The following NCOR1 variants were observed in gnomAD, a reference collection of about 807,000 sequenced individuals.
NCOR1 encodes nuclear receptor corepressor 1, also known as protein phosphatase 1, regulatory subunit 109.
A neutral mutation model predicts 288.1 loss-of-function variants in NCOR1; 63 were observed. That is an observed-to-expected ratio of 0.22 (90% CI 0.18 to 0.27). The LOEUF (loss-of-function observed/expected upper bound fraction) is 0.27, where lower values mean the gene tolerates loss of function less well. NCOR1 is among the 10% of genes least tolerant of loss of function. The pLI is 1.00. For synonymous variants in NCOR1, 1,007 were observed against 1,065.9 expected (o/e 0.94, Z 1.08); for missense variants, 2,397 against 3,019.2 (o/e 0.79, Z 4.83).
rs73981458 is a variant in NCOR1, at chr17:16,119,313, T to C, written c.1915+110A>G. 3,271 of 801,520 alleles carry C rather than the reference T, an allele frequency of 4.1e-3. 92 individuals carry two copies. In the African/African-American group the frequency reaches 0.052, roughly 13 times the overall value. The allele number at this position is 801,520 out of a possible 1,614,324, so 49.7% of individuals were successfully genotyped here. A position where few individuals can be genotyped will look rare whatever the true frequency, so the allele number is the denominator to read the frequency against. On this transcript the variant is annotated intron_variant, in intron 17 of 45. Coordinates refer to ENST00000268712, the MANE Select transcript of NCOR1 (RefSeq NM_006311.4). ...AGTCACTTCTGAGTCCTCTTTGCCT[T>C]TTTGAAAGAATTTTTTTTCCAATTA...
intron 2 of NCOR1, chr17:16,192,227 G>A (rs933893664): frequency 3.3e-5 from 5 of 150,728 alleles, no homozygotes; most frequent in African/African-American, 1.2e-4. Flanking sequence ...AAAGTAACCA[G>A]AGGAGACCAG....
In NCOR1 at chr17:16,029,506, G is replaced by C. The variant is rs9916868; in HGVS notation, c.*2790C>G. ...TGAAATTTGCAGTCATAAACATGCAGTGGAAAACTGGCTGTCAGAATACTT... is the reference window on the plus strand; with the variant it reads ...TGAAATTTGCAGTCATAAACATGCACTGGAAAACTGGCTGTCAGAATACTT... On this transcript the variant is annotated 3_prime_UTR_variant, in exon 46 of 46. Transcript: ENST00000268712. 138,955 of 250,066 alleles carry C rather than the reference G, an allele frequency of 0.56. 39,936 individuals carry two copies. Among genetic ancestry groups the C allele is most frequent in the African/African-American group, 0.67 (29,240 of 43,750 alleles). 15.5% of individuals were successfully genotyped at this position (250,066 alleles called of 1,614,324 possible).
chr17:16,065,071 A>T (rs776660352), intron 33 of NCOR1, 52 bp from the exon 34 acceptor site: 19 of 1,519,674 alleles, frequency 1.3e-5, no homozygotes, highest in Non-Finnish European at 1.6e-5. Context: ...AAGGTACAGA[A>T]CCATACATGA....
intron 23 of NCOR1, among the ~76,000 whole-genome samples, chr17:16,085,179 A>G (rs936646128): frequency 6.6e-6 from 1 of 152,250 alleles, no homozygotes; most frequent in Non-Finnish European, 1.5e-5. Context: ...AAAAGTGCCC[A>G]ACATTGTTTG....
Position 16,092,680 on chromosome 17 carries a change from TATATATATATA to T in NCOR1, c.2821-633_2821-623del, listed in dbSNP as rs1398409449. Among the ~76,000 whole-genome samples, 138 of 22,542 alleles carry T rather than the reference TATATATATATA, an allele frequency of 6.1e-3. 7 individuals carry two copies. Among genetic ancestry groups the T allele is most frequent in the African/African-American group, 0.014 (59 of 4,338 alleles). 14.8% of individuals were successfully genotyped at this position (22,542 alleles called of 152,430 possible). A position where few individuals can be genotyped will look rare whatever the true frequency, so the allele number is the denominator to read the frequency against. On this transcript the variant is annotated intron_variant, in intron 21 of 45. Transcript: ENST00000268712. ...ATATATATATATATATATATATATATATATATATATATATATTTTTTTTTTTTTTTTTTTTT... is the reference window on the plus strand; with the variant it reads ...ATATATATATATATATATATATATATTATATTTTTTTTTTTTTTTTTTTTT...
At chr17:16,168,358 G>A (rs1352953529) in intron 4 of NCOR1, among the ~76,000 whole-genome samples, 3 of 151,946 alleles carry the variant, frequency 2.0e-5, no homozygotes, top group Admixed American at 6.6e-5. Flanking sequence ...CTGCCACCAC[G>A]TCCAGATAAT....
At chr17:16,141,394 G>C (rs1265368138) in intron 11 of NCOR1, among the ~76,000 whole-genome samples, 1 of 152,130 alleles carries the variant, frequency 6.6e-6, no homozygotes, top group Non-Finnish European at 1.5e-5. Context: ...ATTTTGATCA[G>C]TATAAGAACA....
At chr17:16,139,301 T>C (rs2076841427) in intron 11 of NCOR1, 115 bp from the exon 12 acceptor site, 3 of 710,174 alleles carry the variant, frequency 4.2e-6, no homozygotes, top group South Asian at 2.0e-5. Flanking sequence ...TTAATAACAA[T>C]AGCAGTGTAT....
chr17:16,073,330 G>A (rs564666943), intron 28 of NCOR1, 99 bp downstream of exon 28: 3 of 1,054,904 alleles, frequency 2.8e-6, no homozygotes, highest in Non-Finnish European at 3.9e-6. Context: ...TACATTTCAG[G>A]TGGAAATGAC....
chr17:16,117,264 A>G (rs1311790740), intron 18 of NCOR1, among the ~76,000 whole-genome samples: 1 of 152,158 alleles, frequency 6.6e-6, no homozygotes, highest in African/African-American at 2.4e-5. Flanking sequence ...TCCAGCCTAC[A>G]GTAATTCAAG....
intron 5 of NCOR1, among the ~76,000 whole-genome samples, chr17:16,162,558 C>T (rs140876452): frequency 1.3e-5 from 2 of 151,500 alleles, no homozygotes; most frequent in Non-Finnish European, 2.9e-5. Context: ...AAAATTCACA[C>T]TATCCATGAA....
At chr17:16,045,204 T>C (rs2058458997) in intron 42 of NCOR1, among the ~76,000 whole-genome samples, 1 of 152,092 alleles carries the variant, frequency 6.6e-6, no homozygotes. Context: ...TTACCAACAA[T>C]CTGGTTAAGA....
At chr17:16,170,031 A>T (rs1435293929) in intron 4 of NCOR1, among the ~76,000 whole-genome samples, 1 of 152,080 alleles carries the variant, frequency 6.6e-6, no homozygotes, top group Non-Finnish European at 1.5e-5. Flanking sequence ...TTAAAAGTTG[A>T]AGGAACAATA....
At chr17:16,103,754 G>A (rs1048786532) in intron 19 of NCOR1, among the ~76,000 whole-genome samples, 1 of 152,220 alleles carries the variant, frequency 6.6e-6, no homozygotes, top group East Asian at 1.9e-4. Context: ...ACTGGCTCAC[G>A]CCTGTAATCC....
intron 14 of NCOR1, among the ~76,000 whole-genome samples, chr17:16,136,038 C>A (rs781295142): frequency 6.6e-6 from 1 of 152,176 alleles, no homozygotes; most frequent in Non-Finnish European, 1.5e-5. Context: ...GTGGCAGTAG[C>A]GCAGCAGTCT....
At chr17:16,076,744 C>G (rs1251084121) in intron 26 of NCOR1, among the ~76,000 whole-genome samples, 1 of 152,190 alleles carries the variant, frequency 6.6e-6, no homozygotes, top group Non-Finnish European at 1.5e-5. Flanking sequence ...AGTGGCTGGA[C>G]TGAGAAGCAG....
intron 1 of NCOR1, 144 bp downstream of exon 1, chr17:16,215,218 G>A (rs2092451559): frequency 5.3e-6 from 2 of 375,712 alleles, no homozygotes; most frequent in Non-Finnish European, 9.4e-6. Context: ...AGGCGGCCAG[G>A]ACGGGTCCCG....
At chr17:16,065,720 ACT>A in intron 32 of NCOR1, 26 bp from the exon 33 acceptor site, 1 of 1,607,696 alleles carries the variant, frequency 6.2e-7, no homozygotes, top group South Asian at 1.1e-5. Flanking sequence ...AAAGAAAGGC[ACT>A]GAGTTTTGTC....
chr17:16,209,546 C>T (rs780769448), intron 1 of NCOR1, among the ~76,000 whole-genome samples: 12 of 150,592 alleles, frequency 8.0e-5, no homozygotes, highest in Non-Finnish European at 1.6e-4. Flanking sequence ...AACAATCAGA[C>T]CCCATCTCTA....
Sources: gnomAD v4.1 joint callset for allele counts (sites outside exome capture counted in the v4.1 genomes callset) on GRCh38, gnomAD v4.1.1 for gene constraint, MANE v1.5 for transcripts, NCBI Gene and HGNC (gene_info 2026-07-23, HGNC 2026-07-21) for gene names.